Variants in DDX43 observed in about 807,000 individuals in gnomAD.
DDX43 encodes DEAD-box helicase 43.
Under a neutral mutation model 84.9 loss-of-function variants are expected in DDX43, and 50 were observed. The ratio of observed to expected loss-of-function variants is 0.59; its 90% CI spans 0.47 to 0.75. DDX43 has a LOEUF of 0.75. Ranked by LOEUF, DDX43 falls within the 30% of genes least tolerant of loss-of-function variation. The probability of loss-of-function intolerance (pLI) is 0.00; values close to 1 mark genes in which losing one functional copy is unlikely to be tolerated. For missense variants in DDX43, 689 were observed against 798.6 expected (o/e 0.86, Z 1.65); for synonymous variants, 291 against 266.3 (o/e 1.09, Z -0.90).
At chr6:73,414,282 A>C (rs1468989896) in intron 13 of DDX43, among the ~76,000 whole-genome samples, 1 of 152,218 alleles carries the variant, frequency 6.6e-6, no homozygotes, top group Non-Finnish European at 1.5e-5. Flanking sequence ...TTGGATATCA[A>C]GGTATTAATA....
rs752362331 is a variant in DDX43 at position 73,409,272 on chromosome 6, T to C, written c.1204T>C (p.Leu402=). 1 of 1,614,126 alleles carries C rather than the reference T, an allele frequency of 6.2e-7. No homozygotes were observed. Among genetic ancestry groups the C allele is most frequent in the Admixed American group, 1.7e-5 (1 of 60,022 alleles). The change falls in exon 10 of 17, where the codon TTG becomes CTG. Residue 402 remains leucine, a synonymous_variant. Transcript: ENST00000370336. Reference sequence around the variant, plus strand: ...GGTTTTAGATGAAGCAGACAAGATGTTGGACATGGGATTTGAACCCCAGAT... The same window carrying C: ...GGTTTTAGATGAAGCAGACAAGATGCTGGACATGGGATTTGAACCCCAGAT... ...YLVLDEADKM[L]DMGFEPQIMK... is the part of the protein sequence containing the mutation.
At chr6:73,400,791 A>T (rs967860670) in intron 3 of DDX43, among the ~76,000 whole-genome samples, 12 of 152,140 alleles carry the variant, frequency 7.9e-5, no homozygotes, top group African/African-American at 2.9e-4. Flanking sequence ...TGGTTATTTT[A>T]AAAATCTCAG....
intron 3 of DDX43, 86 bp downstream of exon 3, chr6:73,400,449 GA>G: frequency 8.0e-7 from 1 of 1,257,232 alleles, no homozygotes; most frequent in Non-Finnish European, 1.1e-6. Flanking sequence ...TTCACTTTCT[GA>G]TTCAAAGCAT....
intron 1 of DDX43, 76 bp from the exon 2 acceptor site, chr6:73,397,613 T>A: frequency 8.5e-7 from 1 of 1,180,588 alleles, no homozygotes. Flanking sequence ...AGAGAATGTT[T>A]GTTGAGGAAA....
intron 16 of DDX43, among the ~76,000 whole-genome samples, chr6:73,416,804 C>A (rs893502482): frequency 1.1e-4 from 16 of 152,136 alleles, no homozygotes; most frequent in African/African-American, 3.9e-4. Flanking sequence ...TTTGGGAGGC[C>A]AAGGCAGGCG....
At position 73,413,989 on chromosome 6, in the gene DDX43, G is replaced by T; in HGVS notation, c.1516G>T (p.Asp506Tyr). Reference protein sequence around the residue: ...RKAVADHLSSDLILGNISVES... With the variant: ...RKAVADHLSSYLILGNISVES... ...CTTCAGTGCGGATCACTTATCAAGT[G>T]ACCTAATACTTGGAAATATATCAGT... Residue 506 changes from aspartate (D) to tyrosine (Y), a missense_variant, in exon 13 of 17, where the codon GAC (aspartate) becomes TAC (tyrosine). Physicochemically the swap from Asp to Tyr is radical, Grantham distance 160. Around this residue, in one of 2 missense-constraint regions of DDX43, gnomAD observed 552 missense variants for 692.7 expected, o/e 0.80. Transcript: ENST00000370336. 6.2e-7 allele frequency: 1 copy of T among 1,610,964 alleles called. No homozygotes were observed. The highest frequency in any genetic ancestry group is 8.5e-7 in the Non-Finnish European group (1 of 1,177,282).
intron 2 of DDX43, among the ~76,000 whole-genome samples, chr6:73,399,432 A>G (rs1769528714): frequency 6.6e-6 from 1 of 152,040 alleles, no homozygotes; most frequent in African/African-American, 2.4e-5. Flanking sequence ...ATACGCTGCT[A>G]CCATAGCTTT....
chr6:73,412,678 C>CGCGCGCGT lies in DDX43; in HGVS notation c.1368+387_1368+388insCGCGCGTG, dbSNP rs143068937. 5.8e-4 allele frequency among the ~76,000 whole-genome samples: 44 copies of CGCGCGCGT among 76,510 alleles called. 1 individual carries two copies. The highest frequency in any genetic ancestry group is 9.3e-4 in the Non-Finnish European group (31 of 33,236). 50.2% of individuals were successfully genotyped at this position (76,510 alleles called of 152,430 possible). On this transcript the variant is annotated intron_variant, in intron 11 of 16. Coordinates refer to ENST00000370336, the MANE Select transcript of DDX43 (RefSeq NM_018665.3). ...GTGTGTGTGTGTGTGTGCGCGCGCG[C>CGCGCGCGT]GTGTGTGTGTGTGCGCGTGCGTGCG...
At chr6:73,401,052 A>G (rs1485064994) in intron 3 of DDX43, among the ~76,000 whole-genome samples, 2 of 152,100 alleles carry the variant, frequency 1.3e-5, no homozygotes, top group Admixed American at 1.3e-4. Flanking sequence ...ATCATGGCTC[A>G]TTATAGCCTT....
At chr6:73,405,631 T>C (rs750687335) in intron 5 of DDX43, 48 bp from the exon 6 acceptor site, 1 of 1,588,662 alleles carries the variant, frequency 6.3e-7, no homozygotes, top group Non-Finnish European at 8.6e-7. Flanking sequence ...AATGTCTTGC[T>C]TGGGGAGTAA....
chr6:73,405,825 C>G lies in DDX43; in HGVS notation c.797C>G (p.Thr266Arg). 1 of 1,613,600 alleles carries G rather than the reference C, an allele frequency of 6.2e-7. No homozygotes were observed. Among genetic ancestry groups the G allele is most frequent in the South Asian group, 1.1e-5 (1 of 90,986 alleles). The change falls in exon 6 of 17, where the codon ACA becomes AGA. Residue 266 changes from threonine to arginine, a missense_variant. Thr to Arg is a moderately conservative substitution (Grantham distance 71). This residue lies in a region of DDX43 where 552 missense variants were observed against 692.7 expected (regional missense o/e 0.80). Coordinates refer to ENST00000370336, the MANE Select transcript of DDX43 (RefSeq NM_018665.3). ...AAAAAGGCAGGTTTTCAAAAGCCAA[C>G]ACCTATTCAGGTATGCTTTCATTAA... ...NIKKAGFQKP[T>R]PIQSQAWPIV...
Position 73,404,592 on chromosome 6 carries a change from G to A in DDX43, c.569-98G>A. 4.2e-6 allele frequency: 4 copies of A among 943,406 alleles called. No homozygotes were observed. In the South Asian group the frequency reaches 6.2e-5, roughly 15 times the overall value. 58.4% of individuals were successfully genotyped at this position (943,406 alleles called of 1,614,324 possible). The stretch of plus-strand genomic sequence containing the variant: ...GTAGAACTATCAAATGGTATGCATG[G>A]TAAATAAAATATATTGTAGTATGAT... On this transcript the variant is annotated intron_variant, in intron 4 of 16. Transcript: ENST00000370336.
intron 3 of DDX43, among the ~76,000 whole-genome samples, chr6:73,400,850 T>C (rs924133820): frequency 5.3e-5 from 8 of 152,218 alleles, no homozygotes; most frequent in Non-Finnish European, 1.5e-5. Flanking sequence ...CTAGATGCAA[T>C]GTGAAAGTAG....
Position 73,414,549 on chromosome 6 carries a change from C to T in DDX43, c.1608C>T (p.Gly536=), listed in dbSNP as rs1381853447. The T allele has an allele frequency of 1.9e-6, 3 of 1,609,600 alleles. No homozygotes were observed. ...TGTTCATTTGGCTTTACTTTTTAGG[C>T]AAAGTGAGAATACTAATTGCAACTG... ...REKALENFKT[G]KVRILIATDL... The change falls in exon 14 of 17, where the codon GGC becomes GGT. Residue 536 remains glycine, a splice_region_variant and synonymous_variant. Coordinates refer to ENST00000370336, the MANE Select transcript of DDX43 (RefSeq NM_018665.3).
intron 9 of DDX43, 147 bp downstream of exon 9, chr6:73,408,248 A>G: frequency 1.5e-6 from 1 of 684,986 alleles, no homozygotes; most frequent in South Asian, 1.9e-5. Flanking sequence ...CAACCTGACC[A>G]ATATGATGAA....
rs751400041 is a variant in DDX43 at position 73,394,881 on chromosome 6, G to T, written c.-25G>T. ...TGGTGCAGAGCTGGACGGCAACGAC[G>T]TCGGACGCGCCCCTTCTTGGAACAA... On this transcript the variant is annotated 5_prime_UTR_variant, in exon 1 of 17. Transcript: ENST00000370336. 1 of 1,611,778 alleles carries T rather than the reference G, an allele frequency of 6.2e-7. No homozygotes were observed. The highest frequency in any genetic ancestry group is 2.2e-5 in the East Asian group (1 of 44,850).
In DDX43 at chr6:73,402,346, A is replaced by G. The variant is rs150176333; in HGVS notation, c.568+356A>G. Among the ~76,000 whole-genome samples the G allele has an allele frequency of 4.0e-3, 615 of 152,310 alleles. 2 individuals carry two copies. The highest frequency in any genetic ancestry group is 0.014 in the African/African-American group (587 of 41,570). ...AATAGATCTTGGAGTATCCTGGTTGACAAGAGCAAAAAAAAAGGGAAAGCC... is the reference window on the plus strand; with the variant it reads ...AATAGATCTTGGAGTATCCTGGTTGGCAAGAGCAAAAAAAAAGGGAAAGCC... On this transcript the variant is annotated intron_variant, in intron 4 of 16. Transcript: ENST00000370336.
At chr6:73,411,663 T>G (rs895095512) in intron 10 of DDX43, among the ~76,000 whole-genome samples, 4 of 151,872 alleles carry the variant, frequency 2.6e-5, no homozygotes, top group Admixed American at 2.6e-4. Context: ...TAGTTGAAGG[T>G]GTACAGGTAT....
In DDX43 at chr6:73,413,527, G is replaced by A. The variant is rs565693858; in HGVS notation, c.1369-131G>A. 126 of 807,958 alleles carry A rather than the reference G, an allele frequency of 1.6e-4. 1 individual carries two copies. In the East Asian group the frequency reaches 2.9e-3, roughly 19 times the overall value. The allele number at this position is 807,958 out of a possible 1,614,324, so 50.0% of individuals were successfully genotyped here. ...TAGAAACAGGTAATTTTTTTAGGAC[G>A]TCTGCCATTTTGCTTAGCAGTTTAT... On this transcript the variant is annotated intron_variant, in intron 11 of 16. Transcript: ENST00000370336.
Sources: gnomAD v4.1 joint callset for allele counts (sites outside exome capture counted in the v4.1 genomes callset) on GRCh38, gnomAD v4.1.1 for gene constraint, gnomAD v4.1.1 regional missense constraint, MANE v1.5 for transcripts, NCBI Gene and HGNC (gene_info 2026-07-23, HGNC 2026-07-21) for gene names.